Variants in ADAM22 observed in about 807,000 individuals in gnomAD.
ADAM22 encodes the protein disintegrin and metalloproteinase domain-containing protein 22.
A neutral mutation model predicts 144.6 loss-of-function variants in ADAM22; 65 were observed. The ratio of observed to expected loss-of-function variants is 0.45; its 90% CI spans 0.37 to 0.55. The LOEUF (loss-of-function observed/expected upper bound fraction) is 0.55. ADAM22 is among the 20% of genes least tolerant of loss of function. ADAM22 has a pLI of 0.00. For missense variants in ADAM22, 974 were observed against 1,184.9 expected (o/e 0.82, Z 2.61); for synonymous variants, 391 against 412.6 (o/e 0.95, Z 0.63).
chr7:87,954,213 A>T (rs1846038975), intron 2 of ADAM22, among the ~76,000 whole-genome samples: 1 of 150,976 alleles, frequency 6.6e-6, no homozygotes, highest in Admixed American at 6.6e-5. Context: ...TTTGCTCGTT[A>T]GTTGATGCAG....
intron 5 of ADAM22, among the ~76,000 whole-genome samples, chr7:88,113,703 A>AATAAATAAATAAATATATAT (rs1554478726): frequency 1.0e-3 from 49 of 48,084 alleles, no homozygotes; most frequent in East Asian, 5.6e-3. Context: ...TAAATAAATA[A>AATAAATAAATAAATATATAT]ATATATATAT....
chr7:88,031,164 A>C lies in ADAM22; in HGVS notation c.324-44462A>C, dbSNP rs142598695. Among the ~76,000 whole-genome samples the C allele has an allele frequency of 2.2e-3, 332 of 152,198 alleles. 1 individual carries two copies. The highest frequency in any genetic ancestry group is 7.6e-3 in the African/African-American group (315 of 41,492). On this transcript the variant is annotated intron_variant, in intron 3 of 31. Transcript: ENST00000413139. ...AAAAACCAACTTCTTTTCTGTATAAATTACCTAGTCTCAGTTCTTTATAGT... is the reference window on the plus strand; with the variant it reads ...AAAAACCAACTTCTTTTCTGTATAACTTACCTAGTCTCAGTTCTTTATAGT...
chr7:88,083,048 T>C (rs1817292967), intron 4 of ADAM22, among the ~76,000 whole-genome samples: 1 of 152,218 alleles, frequency 6.6e-6, no homozygotes, highest in Non-Finnish European at 1.5e-5. Flanking sequence ...TGTATGTTTA[T>C]TGTGGCACTA....
rs181573756 is a variant in ADAM22, at chr7:87,978,402, G to A, written c.313G>A (p.Val105Met). 40 of 1,613,492 alleles carry A rather than the reference G, an allele frequency of 2.5e-5. No individual in the cohort carries two copies. Among genetic ancestry groups the A allele is most frequent in the Middle Eastern group, 1.7e-4 (1 of 6,058 alleles). ...AFGTSFILDV[V>M]LNHDLLSSEY... is the part of the protein sequence containing the mutation. The stretch of plus-strand genomic sequence containing the variant: ...TGGAACGTCATTCATTCTCGATGTC[G>A]TGCTAAATCAGTAAGTGTTGAGTTG... Residue 105 changes from valine (V) to methionine (M), a missense_variant, in exon 3 of 32, where the codon GTG (valine) becomes ATG (methionine). Physicochemically the swap from Val to Met is conservative, Grantham distance 21. This residue lies in a region of ADAM22 where 240 missense variants were observed against 234.3 expected (regional missense o/e 1.02). Coordinates refer to ENST00000413139, the MANE Select transcript of ADAM22 (RefSeq NM_001324418.2).
chr7:87,989,198 G>T (rs1212174906), intron 3 of ADAM22, among the ~76,000 whole-genome samples: 1 of 151,962 alleles, frequency 6.6e-6, no homozygotes, highest in African/African-American at 2.4e-5. Context: ...TTTATGAATG[G>T]GTTCTTTAAT....
intron 14 of ADAM22, among the ~76,000 whole-genome samples, chr7:88,136,665 C>A (rs191625198): frequency 6.6e-6 from 1 of 151,702 alleles, no homozygotes; most frequent in South Asian, 2.1e-4. Flanking sequence ...AAACTTTGAC[C>A]ATCTTTTGCT....
intron 17 of ADAM22, 60 bp from the exon 18 acceptor site, chr7:88,148,917 G>GTTTTC: frequency 7.9e-7 from 1 of 1,259,512 alleles, no homozygotes. Flanking sequence ...TTTTTTAGAT[G>GTTTTC]ATATTGTAAG....
chr7:88,002,729 T>C (rs556546874), intron 3 of ADAM22, among the ~76,000 whole-genome samples: 1 of 152,290 alleles, frequency 6.6e-6, no homozygotes, highest in South Asian at 2.1e-4. Flanking sequence ...GAAGAACCTT[T>C]TCCTTTATGC....
intron 4 of ADAM22, among the ~76,000 whole-genome samples, chr7:88,100,509 A>G (rs1822620176): frequency 6.6e-6 from 1 of 152,156 alleles, no homozygotes; most frequent in Non-Finnish European, 1.5e-5. Flanking sequence ...ACCTGACCAG[A>G]TATTTAGCCT....
chr7:87,991,419 T>C (rs935001043), intron 3 of ADAM22, among the ~76,000 whole-genome samples: 6 of 146,308 alleles, frequency 4.1e-5, no homozygotes, highest in Non-Finnish European at 6.0e-5. Flanking sequence ...GAATGCGGAA[T>C]GTAGTGGCGG....
rs370937723 is a variant in ADAM22 at position 87,958,012 on chromosome 7, T to C, written c.247-20324T>C. Among the ~76,000 whole-genome samples the C allele has an allele frequency of 1.6e-4, 25 of 152,354 alleles. No individual in the cohort carries two copies. The East Asian group carries it at 4.0e-3, about 25-fold the overall frequency. ...CCTCAAAATTAAATTTTTTGATCTC[T>C]TATGATGATATAGGTAAAAGAATTA... On this transcript the variant is annotated intron_variant, in intron 2 of 31. Coordinates refer to ENST00000413139, the MANE Select transcript of ADAM22 (RefSeq NM_001324418.2).
At chr7:88,116,496 CATTT>C (rs1179495137) in intron 6 of ADAM22, among the ~76,000 whole-genome samples, 3 of 152,246 alleles carry the variant, frequency 2.0e-5, no homozygotes, top group Admixed American at 6.5e-5. Context: ...TAGATTCATT[CATTT>C]GTTTTCCATT....
At chr7:87,936,594 C>T (rs1022401940) in intron 2 of ADAM22, among the ~76,000 whole-genome samples, 17 of 152,066 alleles carry the variant, frequency 1.1e-4, no homozygotes, top group Admixed American at 2.6e-4. Context: ...CTATACCCTA[C>T]GTATTTCTTT....
chr7:87,934,658 AG>A, intron 1 of ADAM22, 108 bp downstream of exon 1: 4 of 733,476 alleles, frequency 5.5e-6, no homozygotes, highest in Non-Finnish European at 5.8e-6. Context: ...GTGCGCGGGG[AG>A]ATTTTTTTTT....
intron 4 of ADAM22, among the ~76,000 whole-genome samples, chr7:88,079,081 A>G (rs1815637613): frequency 1.3e-5 from 2 of 151,944 alleles, no homozygotes; most frequent in South Asian, 2.1e-4. Flanking sequence ...AAAAAATGTT[A>G]AGGGCAGCCA....
intron 5 of ADAM22, among the ~76,000 whole-genome samples, chr7:88,113,935 T>C (rs1276326345): frequency 6.6e-6 from 1 of 151,372 alleles, no homozygotes; most frequent in Non-Finnish European, 1.5e-5. Context: ...CTGGGCTCTG[T>C]TCCTATTTCT....
chr7:88,108,162 A>G lies in ADAM22; in HGVS notation c.391-14A>G, dbSNP rs1295170732. ...TGTGATGCAAAGACTTACATTCTTTATTTCTGTTTTCAGGGAGGAGAGCAC... is the reference window on the plus strand; with the variant it reads ...TGTGATGCAAAGACTTACATTCTTTGTTTCTGTTTTCAGGGAGGAGAGCAC... On this transcript the variant is annotated splice_polypyrimidine_tract_variant and intron_variant, in intron 4 of 31. Coordinates refer to ENST00000413139, the MANE Select transcript of ADAM22 (RefSeq NM_001324418.2). The G allele has an allele frequency of 3.1e-6, 5 of 1,607,030 alleles. No homozygotes were observed. The South Asian group carries it at 4.5e-5, about 14-fold the overall frequency.
intron 4 of ADAM22, among the ~76,000 whole-genome samples, chr7:88,094,118 T>A (rs1028301004): frequency 2.0e-5 from 3 of 152,134 alleles, no homozygotes; most frequent in African/African-American, 7.2e-5. Flanking sequence ...AGATGATGCA[T>A]TTCTTGCCCT....
At chr7:87,973,124 CA>C (rs1850901505) in intron 2 of ADAM22, among the ~76,000 whole-genome samples, 1 of 152,136 alleles carries the variant, frequency 6.6e-6, no homozygotes. Flanking sequence ...TTCTGCACAG[CA>C]AAAGAAACCA....
Sources: allele counts gnomAD v4.1 joint callset (sites outside exome capture counted in the v4.1 genomes callset), GRCh38; gene constraint gnomAD v4.1.1; regional missense constraint gnomAD v4.1.1; transcripts MANE v1.5; gene names NCBI Gene and HGNC (gene_info 2026-07-23, HGNC 2026-07-21).